Variants in PDGFD observed in about 807,000 individuals in gnomAD.
PDGFD encodes the protein platelet derived growth factor D.
In PDGFD, 30 loss-of-function variants were observed where a neutral mutation model predicts 44.7. The observed-to-expected ratio is 0.67, with a 90% CI of 0.50 to 0.91. The LOEUF (loss-of-function observed/expected upper bound fraction) is 0.91, where lower values mean the gene tolerates loss of function less well. Among genes scored for constraint, PDGFD ranks in the 40% least tolerant of loss-of-function variants. The pLI is 0.00. For synonymous variants in PDGFD, 173 were observed against 168.4 expected, an observed-to-expected ratio of 1.03 and a Z score of -0.21; for missense variants, 445 against 457.8, an observed-to-expected ratio of 0.97 and a Z score of 0.25.
intron 1 of PDGFD, among the ~76,000 whole-genome samples, chr11:104,069,874 T>A (rs991103215): frequency 2.6e-5 from 4 of 151,964 alleles, no homozygotes; most frequent in East Asian, 1.9e-4. Flanking sequence ...GAAAAAAAAA[T>A]TATGCTTTTA....
At chr11:104,009,635 T>A (rs927733536) in intron 1 of PDGFD, among the ~76,000 whole-genome samples, 4 of 151,952 alleles carry the variant, frequency 2.6e-5, no homozygotes, top group African/African-American at 9.7e-5. Flanking sequence ...GGGCAGGAAG[T>A]CCTAACTTAA....
At chr11:103,912,436 T>G (rs1858043129) in intron 6 of PDGFD, among the ~76,000 whole-genome samples, 1 of 152,128 alleles carries the variant, frequency 6.6e-6, no homozygotes. Context: ...TGCTGACAGA[T>G]TTTTGTCACC....
chr11:103,983,947 C>T (rs1233153159), intron 3 of PDGFD, among the ~76,000 whole-genome samples: 1 of 151,654 alleles, frequency 6.6e-6, no homozygotes, highest in Non-Finnish European at 1.5e-5. Flanking sequence ...TGCTTATACA[C>T]TGTCGGTGGA....
intron 1 of PDGFD, among the ~76,000 whole-genome samples, chr11:104,009,802 A>G (rs1859755793): frequency 6.6e-6 from 1 of 152,164 alleles, no homozygotes; most frequent in Non-Finnish European, 1.5e-5. Flanking sequence ...TTAGACTCTA[A>G]CAATGTTAGT....
At chr11:104,015,544 C>T (rs1352687746) in intron 1 of PDGFD, among the ~76,000 whole-genome samples, 1 of 152,106 alleles carries the variant, frequency 6.6e-6, no homozygotes, top group Admixed American at 6.6e-5. Flanking sequence ...AGCAAATGTG[C>T]ACATAGGAAA....
At chr11:104,082,615 C>T (rs1861060886) in intron 1 of PDGFD, among the ~76,000 whole-genome samples, 2 of 97,320 alleles carry the variant, frequency 2.1e-5, no homozygotes, top group African/African-American at 8.2e-5. Flanking sequence ...AATTAAAACA[C>T]ATAAATAAAT....
chr11:104,151,888 T>C (rs1011157896), intron 1 of PDGFD, among the ~76,000 whole-genome samples: 2 of 152,116 alleles, frequency 1.3e-5, no homozygotes. Context: ...AATTTGTGGC[T>C]ATAGTTTGAT....
chr11:104,163,453 T>C (rs958538426), intron 1 of PDGFD, among the ~76,000 whole-genome samples: 1 of 152,100 alleles, frequency 6.6e-6, no homozygotes, highest in African/African-American at 2.4e-5. Flanking sequence ...CTAAGAAAGG[T>C]TGAGTCTGAC....
chr11:104,043,501 G>T (rs1221967444), intron 1 of PDGFD, among the ~76,000 whole-genome samples: 6 of 152,144 alleles, frequency 3.9e-5, no homozygotes, highest in Admixed American at 2.6e-4. Flanking sequence ...GTGGCACTGT[G>T]TTCAACTCGC....
At chr11:104,050,384 A>C (rs1860512785) in intron 1 of PDGFD, among the ~76,000 whole-genome samples, 1 of 152,192 alleles carries the variant, frequency 6.6e-6, no homozygotes, top group South Asian at 2.1e-4. Flanking sequence ...TATGAAACAA[A>C]CAAGTAAATC....
chr11:103,965,819 G>A (rs1334257762), intron 3 of PDGFD, among the ~76,000 whole-genome samples: 2 of 152,072 alleles, frequency 1.3e-5, no homozygotes, highest in Admixed American at 1.3e-4. Context: ...TGAGCAAAAT[G>A]GAAAACCCTG....
intron 1 of PDGFD, among the ~76,000 whole-genome samples, chr11:104,087,433 T>A (rs1205433265): frequency 1.3e-5 from 2 of 152,000 alleles, no homozygotes; most frequent in Non-Finnish European, 2.9e-5. Context: ...GGTCTCAATC[T>A]CCTGGCCTCA....
chr11:104,125,545 T>G (rs1290903566), intron 1 of PDGFD, among the ~76,000 whole-genome samples: 1 of 152,100 alleles, frequency 6.6e-6, no homozygotes, highest in African/African-American at 2.4e-5. Flanking sequence ...GTCAGGGACA[T>G]ATTTACTTGA....
intron 1 of PDGFD, chr11:104,037,174 C>T (rs1250329604): frequency 1.2e-6 from 2 of 1,613,564 alleles, no homozygotes; most frequent in Non-Finnish European, 1.7e-6. Context: ...GCAGCAGCAG[C>T]GCACACCCGC....
At chr11:103,967,639 G>T (rs939715645) in intron 3 of PDGFD, among the ~76,000 whole-genome samples, 2 of 152,102 alleles carry the variant, frequency 1.3e-5, no homozygotes, top group African/African-American at 4.8e-5. Flanking sequence ...CTGTTCAGTG[G>T]CATTCACCCT....
chr11:103,997,480 G>A lies in PDGFD; in HGVS notation c.330-1235C>T, dbSNP rs117224644. On this transcript the variant is annotated intron_variant, in intron 2 of 6. Transcript: ENST00000393158. Reference sequence around the variant, plus strand: ...TAACAGTGATTTACAAGGCCCTTATGTCCGTTGCCTCAGTTTCCTTATGGA... The same window carrying A: ...TAACAGTGATTTACAAGGCCCTTATATCCGTTGCCTCAGTTTCCTTATGGA... 2.6e-4 allele frequency among the ~76,000 whole-genome samples: 40 copies of A among 152,296 alleles called. No homozygotes were observed. In the East Asian group the frequency reaches 7.7e-3, roughly 29 times the overall value.
chr11:104,020,776 G>C (rs1319168005), intron 1 of PDGFD, among the ~76,000 whole-genome samples: 1 of 152,064 alleles, frequency 6.6e-6, no homozygotes, highest in Non-Finnish European at 1.5e-5. Flanking sequence ...TGTTTGAATA[G>C]TTTCAAACAG....
chr11:103,961,686 G>A (rs2134337408), intron 3 of PDGFD, among the ~76,000 whole-genome samples: 1 of 152,200 alleles, frequency 6.6e-6, no homozygotes, highest in Middle Eastern at 3.4e-3. Context: ...TTGTTCAACA[G>A]GTATTTATGG....
At chr11:104,036,506 G>C in intron 1 of PDGFD, 1 of 376,712 alleles carries the variant, frequency 2.7e-6, no homozygotes, top group South Asian at 4.8e-5. Flanking sequence ...TGAAGGGCTG[G>C]CCTTGAAACC....
Sources: allele counts gnomAD v4.1 joint callset (sites outside exome capture counted in the v4.1 genomes callset), GRCh38; gene constraint gnomAD v4.1.1; transcripts MANE v1.5; gene names NCBI Gene and HGNC (gene_info 2026-07-23, HGNC 2026-07-21).